LUZP2: variants seen among roughly 807,000 people sequenced by gnomAD.
LUZP2 encodes leucine zipper protein 2.
LUZP2 carries 52 observed loss-of-function variants against 51.6 expected under a neutral mutation model. That is an observed-to-expected ratio of 1.01 (90% CI 0.81 to 1.27). The LOEUF (loss-of-function observed/expected upper bound fraction) is 1.27. Ranked by LOEUF, LUZP2 falls within the 50% of genes most tolerant of loss-of-function variation. The probability of loss-of-function intolerance (pLI) is 0.00; values close to 1 mark genes in which losing one functional copy is unlikely to be tolerated. For synonymous variants in LUZP2, 154 were observed against 137.3 expected (o/e 1.12, Z -0.85); for missense variants, 436 against 395.4 (o/e 1.10, Z -0.87).
intron 2 of LUZP2, 148 bp downstream of exon 2, chr11:24,729,434 G>A (rs2716461): frequency 0.55 from 239,552 of 433,346 alleles, 67,638 homozygotes; most frequent in Admixed American, 0.66. Flanking sequence ...TGCCCTAAAC[G>A]GAAATGTCAT....
At chr11:24,738,347 A>G (rs775276654) in intron 4 of LUZP2, 45 bp downstream of exon 4, 9 of 1,381,180 alleles carry the variant, frequency 6.5e-6, no homozygotes, top group Non-Finnish European at 9.2e-6. Flanking sequence ...GGGCTGGGAC[A>G]TTGTTACTTT....
At chr11:24,897,071 C>T (rs1268936582) in intron 5 of LUZP2, among the ~76,000 whole-genome samples, 1 of 152,128 alleles carries the variant, frequency 6.6e-6, no homozygotes, top group Non-Finnish European at 1.5e-5. Context: ...AATCAGTGCT[C>T]TGTGTCTAGT....
At chr11:25,015,887 G>A (rs1041965925) in intron 9 of LUZP2, among the ~76,000 whole-genome samples, 3 of 149,152 alleles carry the variant, frequency 2.0e-5, no homozygotes, top group Non-Finnish European at 4.4e-5. Context: ...TAGTAGTGAA[G>A]TGTGAATTTC....
At chr11:24,727,468 A>G (rs1216061703) in intron 1 of LUZP2, among the ~76,000 whole-genome samples, 1 of 152,060 alleles carries the variant, frequency 6.6e-6, no homozygotes, top group African/African-American at 2.4e-5. Flanking sequence ...TCATGAGAAA[A>G]GCACTATTAT....
chr11:24,499,334 C>T (rs1167983812), intron 1 of LUZP2, among the ~76,000 whole-genome samples: 1 of 152,180 alleles, frequency 6.6e-6, no homozygotes, highest in Non-Finnish European at 1.5e-5. Context: ...CAATGCGGTA[C>T]TATCAGTGTC....
At chr11:24,554,513 C>G (rs1851809850) in intron 1 of LUZP2, among the ~76,000 whole-genome samples, 2 of 151,898 alleles carry the variant, frequency 1.3e-5, no homozygotes, top group African/African-American at 4.8e-5. Context: ...TTCAATGCAG[C>G]TTGTTGTAAA....
At chr11:24,688,004 GCTCTCTGTCTCTCTTTCTCTCTCT>G (rs1417938142) in intron 1 of LUZP2, among the ~76,000 whole-genome samples, 1 of 151,538 alleles carries the variant, frequency 6.6e-6, no homozygotes, top group Non-Finnish European at 1.5e-5. Flanking sequence ...TCTCTCTCTG[GCTCTCTGTCTCTCTTTCTCTCTCT>G]CTCTCTGTCT....
At chr11:24,629,557 T>C (rs931605501) in intron 1 of LUZP2, among the ~76,000 whole-genome samples, 2 of 147,338 alleles carry the variant, frequency 1.4e-5, no homozygotes, top group Non-Finnish European at 3.0e-5. Context: ...TGCATATATA[T>C]ATATATATAT....
intron 7 of LUZP2, among the ~76,000 whole-genome samples, chr11:24,918,090 T>G (rs1002347005): frequency 1.8e-4 from 28 of 152,222 alleles, no homozygotes; most frequent in African/African-American, 6.0e-4. Flanking sequence ...GTATTCTCTT[T>G]GAAGCAATTG....
chr11:24,958,178 G>T (rs1330097050), intron 7 of LUZP2, among the ~76,000 whole-genome samples: 2 of 152,144 alleles, frequency 1.3e-5, no homozygotes. Context: ...TTGGTTCCAA[G>T]TCTTTGCTAT....
At chr11:24,634,043 C>G (rs1854990543) in intron 1 of LUZP2, among the ~76,000 whole-genome samples, 2 of 151,764 alleles carry the variant, frequency 1.3e-5, no homozygotes, top group African/African-American at 4.8e-5. Context: ...AGAGCTGAGA[C>G]TCTGAAGACA....
chr11:24,815,827 C>G lies in LUZP2; in HGVS notation c.396+52519C>G, dbSNP rs369752337. On this transcript the variant is annotated intron_variant, in intron 5 of 11. Coordinates refer to ENST00000336930, the MANE Select transcript of LUZP2 (RefSeq NM_001009909.4). ...TAAAAGAGAGTACTGATCTCAGTCT[C>G]CATCCCAGAATGAGCAATAATCAGA... is the stretch of plus-strand genomic sequence containing the variant. 2.6e-4 allele frequency among the ~76,000 whole-genome samples: 39 copies of G among 152,150 alleles called. 1 individual carries two copies. In the East Asian group the frequency reaches 6.2e-3, roughly 24 times the overall value.
rs187343556 is a variant in LUZP2 at position 24,978,213 on chromosome 11, T to A, written c.597+1548T>A. On this transcript the variant is annotated intron_variant, in intron 8 of 11. Transcript: ENST00000336930. Reference sequence around the variant, plus strand: ...CCAGCATTATAAGATTTTAAAAAAATTTATATAAAACAAATTTATACCAAT... The same window carrying A: ...CCAGCATTATAAGATTTTAAAAAAAATTATATAAAACAAATTTATACCAAT... Among the ~76,000 whole-genome samples the A allele has an allele frequency of 2.0e-3, 310 of 151,790 alleles. 3 individuals are homozygous for A. Among genetic ancestry groups the A allele is most frequent in the African/African-American group, 6.8e-3 (282 of 41,486 alleles).
chr11:24,934,975 T>C (rs1183874619), intron 7 of LUZP2, among the ~76,000 whole-genome samples: 1 of 152,214 alleles, frequency 6.6e-6, no homozygotes, highest in African/African-American at 2.4e-5. Context: ...GTGAATACTA[T>C]TTGTTATTTT....
intron 7 of LUZP2, among the ~76,000 whole-genome samples, chr11:24,948,804 C>CT (rs1263045442): frequency 6.9e-5 from 8 of 116,764 alleles, no homozygotes; most frequent in Non-Finnish European, 1.4e-4. Context: ...TCTTGAAACT[C>CT]TATCTATCTA....
intron 1 of LUZP2, among the ~76,000 whole-genome samples, chr11:24,664,034 G>A (rs146034544): frequency 5.3e-5 from 8 of 152,210 alleles, no homozygotes; most frequent in African/African-American, 1.9e-4. Flanking sequence ...ATTGGTACCA[G>A]GTAGAACGGT....
At chr11:24,573,119 T>TG in intron 1 of LUZP2, among the ~76,000 whole-genome samples, 1 of 151,626 alleles carries the variant, frequency 6.6e-6, no homozygotes, top group South Asian at 2.1e-4. Flanking sequence ...AGAAATTGTT[T>TG]TTTCAAGCAT....
chr11:24,548,440 T>G (rs1851625953), intron 1 of LUZP2, among the ~76,000 whole-genome samples: 1 of 152,018 alleles, frequency 6.6e-6, no homozygotes, highest in Admixed American at 6.6e-5. Context: ...TGAAGAGAAT[T>G]AATGCAGGAA....
chr11:25,002,307 G>T (rs935838484), intron 9 of LUZP2, among the ~76,000 whole-genome samples: 1 of 152,136 alleles, frequency 6.6e-6, no homozygotes, highest in African/African-American at 2.4e-5. Flanking sequence ...TTAAGGTCAG[G>T]ATTAGCTAAG....
Sources: allele counts gnomAD v4.1 joint callset (sites outside exome capture counted in the v4.1 genomes callset), GRCh38; gene constraint gnomAD v4.1.1; transcripts MANE v1.5; gene names NCBI Gene and HGNC (gene_info 2026-07-23, HGNC 2026-07-21).